Variants in TANC2 observed in about 807,000 individuals in gnomAD.
TANC2 encodes tetratricopeptide repeat, ankyrin repeat and coiled-coil containing 2, also known as protein TANC2.
TANC2 carries 26 observed loss-of-function variants against 210.5 expected under a neutral mutation model. The observed-to-expected ratio is 0.12, with a 90% CI of 0.09 to 0.17. TANC2 has a LOEUF of 0.17. Ranked by LOEUF, TANC2 falls within the 10% of genes least tolerant of loss-of-function variation. The pLI is 1.00. For missense variants in TANC2, 2,129 were observed against 2,608.9 expected, an observed-to-expected ratio of 0.82 and a Z score of 4.01; for synonymous variants, 931 against 967.1, an observed-to-expected ratio of 0.96 and a Z score of 0.69.
At position 63,420,178 on chromosome 17, in the gene TANC2, C is replaced by A; in HGVS notation, c.4448C>A (p.Pro1483Gln). 1 of 1,579,954 alleles carries A rather than the reference C, an allele frequency of 6.3e-7. No homozygotes were observed. The highest frequency in any genetic ancestry group is 8.6e-7 in the Non-Finnish European group (1 of 1,162,092). Residue 1483 changes from proline (P) to glutamine (Q), a missense_variant, in exon 28 of 28, where the codon CCA (proline) becomes CAA (glutamine). By Grantham distance (76) the Pro-to-Gln change is moderately conservative. This residue lies in a region of TANC2 where 584 missense variants were observed against 627.3 expected (regional missense o/e 0.93). Coordinates refer to ENST00000689528, the Ensembl canonical transcript of TANC2. The surrounding 1 kb of genome is among the most constrained non-coding windows in gnomAD (Gnocchi z 4.2). ...TTGCCGGAAGAAGCAGAACCTGAGC[C>A]ACAGCATGAAGACATATACTCTGTA... is the stretch of plus-strand genomic sequence containing the variant.
intron 4 of TANC2, among the ~76,000 whole-genome samples, chr17:63,142,192 G>A (rs948902928): frequency 9.2e-5 from 14 of 152,078 alleles, no homozygotes; most frequent in African/African-American, 3.1e-4. Flanking sequence ...TCTTCTTAAG[G>A]CAGTTGTTAG....
At chr17:63,283,326 T>A (rs1378177512) in intron 9 of TANC2, among the ~76,000 whole-genome samples, 3 of 151,982 alleles carry the variant, frequency 2.0e-5, no homozygotes, top group African/African-American at 7.2e-5. Flanking sequence ...TCTAATAATA[T>A]TCTGTATTGA....
At chr17:63,141,156 T>C (rs1042159190) in intron 4 of TANC2, among the ~76,000 whole-genome samples, 1 of 152,060 alleles carries the variant, frequency 6.6e-6, no homozygotes, top group South Asian at 2.1e-4. Flanking sequence ...AGAGATCTTA[T>C]GATTCTGTTT....
chr17:62,997,413 AGAG>A (rs1476163218), intron 1 of TANC2, among the ~76,000 whole-genome samples: 4 of 152,186 alleles, frequency 2.6e-5, no homozygotes, highest in African/African-American at 7.2e-5. Context: ...GAAATTTCTC[AGAG>A]GAGAAGCTCT....
intron 4 of TANC2, among the ~76,000 whole-genome samples, chr17:63,137,029 TAAAG>T (rs1458142315): frequency 6.6e-6 from 1 of 152,196 alleles, no homozygotes; most frequent in Non-Finnish European, 1.5e-5. Flanking sequence ...TCCACGAGGC[TAAAG>T]AAAGAACTGA....
In TANC2 at chr17:63,318,954, C is replaced by G; in HGVS notation, c.1442-3C>G. ...TGCAAACATCTAAATCTTTTTAATC[C>G]AGATGTGGATGCCAACAGAGAGCTG... On this transcript the variant is annotated splice_region_variant and splice_polypyrimidine_tract_variant and intron_variant, in intron 10 of 27. Transcript: ENST00000689528. 6.2e-7 allele frequency: 1 copy of G among 1,612,386 alleles called. No homozygotes were observed. The highest frequency in any genetic ancestry group is 8.5e-7 in the Non-Finnish European group (1 of 1,179,778).
chr17:63,246,753 G>A (rs1210425879), intron 8 of TANC2, among the ~76,000 whole-genome samples: 1 of 152,072 alleles, frequency 6.6e-6, no homozygotes, highest in Non-Finnish European at 1.5e-5. Flanking sequence ...ATTGTGAATA[G>A]TGCTGCTGTG....
At chr17:63,106,432 A>G (rs905812606) in intron 4 of TANC2, among the ~76,000 whole-genome samples, 1 of 151,582 alleles carries the variant, frequency 6.6e-6, no homozygotes, top group African/African-American at 2.4e-5. Context: ...AATTATTAAG[A>G]GGAAGCTTCA....
chr17:63,366,626 G>A (rs956286212), intron 14 of TANC2, among the ~76,000 whole-genome samples: 1 of 152,180 alleles, frequency 6.6e-6, no homozygotes, highest in African/African-American at 2.4e-5. Flanking sequence ...AAGATGTGAG[G>A]CAAAGTGGGA....
intron 5 of TANC2, among the ~76,000 whole-genome samples, chr17:63,168,462 C>T (rs139062273): frequency 6.6e-6 from 1 of 152,250 alleles, no homozygotes; most frequent in Admixed American, 6.5e-5. Flanking sequence ...TCTCTGGACC[C>T]TTCACAGTGA....
chr17:63,049,224 A>T (rs556925780), intron 2 of TANC2, among the ~76,000 whole-genome samples: 1 of 152,214 alleles, frequency 6.6e-6, no homozygotes, highest in African/African-American at 2.4e-5. Context: ...TGAATATAAA[A>T]TTATTTGTCC....
At chr17:63,081,865 C>T (rs1486133908) in intron 3 of TANC2, among the ~76,000 whole-genome samples, 2 of 152,102 alleles carry the variant, frequency 1.3e-5, no homozygotes. Context: ...AAAAGCATGA[C>T]AACTAAAAAG....
intron 8 of TANC2, among the ~76,000 whole-genome samples, chr17:63,252,433 T>C (rs1033153136): frequency 1.3e-5 from 2 of 152,150 alleles, no homozygotes; most frequent in Non-Finnish European, 2.9e-5. Context: ...TTGTACAAAA[T>C]TATTGTTGAC....
intron 9 of TANC2, among the ~76,000 whole-genome samples, chr17:63,306,273 A>T (rs1316995457): frequency 2.0e-5 from 3 of 152,230 alleles, no homozygotes; most frequent in African/African-American, 7.2e-5. Flanking sequence ...TGCTTGGTTA[A>T]GTTTACTTCT....
chr17:63,172,167 A>G (rs1052166544), intron 5 of TANC2, among the ~76,000 whole-genome samples: 14 of 148,928 alleles, frequency 9.4e-5, no homozygotes, highest in Admixed American at 1.3e-4. Context: ...TCATCACAGC[A>G]TTTTTCTTTT....
intron 2 of TANC2, among the ~76,000 whole-genome samples, chr17:63,035,901 T>C (rs950482581): frequency 6.6e-6 from 1 of 152,178 alleles, no homozygotes; most frequent in South Asian, 2.1e-4. Flanking sequence ...TTAGCTATTC[T>C]GTGTGTAGTG....
At chr17:63,192,659 A>G (rs933434956) in intron 5 of TANC2, among the ~76,000 whole-genome samples, 2 of 152,218 alleles carry the variant, frequency 1.3e-5, no homozygotes, top group African/African-American at 4.8e-5. Context: ...CTTTGAGCAA[A>G]TAATTTAATG....
intron 4 of TANC2, among the ~76,000 whole-genome samples, chr17:63,141,370 C>T (rs1400790498): frequency 4.0e-5 from 4 of 100,156 alleles, no homozygotes; most frequent in East Asian, 3.3e-4. Context: ...GCTAAAACCC[C>T]GTTTCTACTA....
At chr17:63,223,146 T>C (rs1203731911) in intron 7 of TANC2, among the ~76,000 whole-genome samples, 1 of 152,148 alleles carries the variant, frequency 6.6e-6, no homozygotes, top group Non-Finnish European at 1.5e-5. Context: ...AGTAACTGCT[T>C]AATGGGTATG....
Sources: allele counts gnomAD v4.1 joint callset (sites outside exome capture counted in the v4.1 genomes callset), GRCh38; gene constraint gnomAD v4.1.1; regional missense constraint gnomAD v4.1.1; non-coding constraint Gnocchi (gnomAD v3.1); transcripts MANE v1.5; gene names NCBI Gene and HGNC (gene_info 2026-07-23, HGNC 2026-07-21).